Variants in LRRC7 observed in about 807,000 individuals in gnomAD.
LRRC7 encodes leucine rich repeat containing 7.
Under a neutral mutation model 175.7 loss-of-function variants are expected in LRRC7, and 23 were observed. The ratio of observed to expected loss-of-function variants is 0.13; its 90% CI spans 0.09 to 0.19. The LOEUF is 0.19. Ranked by LOEUF, LRRC7 falls within the 10% of genes least tolerant of loss-of-function variation. The pLI, the probability that LRRC7 is intolerant of heterozygous loss-of-function variation, is 1.00. For missense variants in LRRC7, 1,354 were observed against 1,904.7 expected (o/e 0.71, Z 5.38); for synonymous variants, 685 against 680.9 (o/e 1.01, Z -0.09).
At chr1:70,069,845 A>G (rs1662251233) in intron 23 of LRRC7, among the ~76,000 whole-genome samples, 2 of 152,150 alleles carry the variant, frequency 1.3e-5, no homozygotes, top group African/African-American at 2.4e-5. Flanking sequence ...CCTGTCTACC[A>G]GGTCACTGTT....
At chr1:69,590,446 A>G (rs532795900) in intron 1 of LRRC7, among the ~76,000 whole-genome samples, 7 of 152,286 alleles carry the variant, frequency 4.6e-5, no homozygotes, top group Admixed American at 3.3e-4. Flanking sequence ...GTTGGCAACC[A>G]GGATCAGCAA....
In LRRC7 at chr1:70,135,428, C is replaced by T. The variant is rs890835435; in HGVS notation, c.*13541C>T. Among the ~76,000 whole-genome samples, 21 of 152,244 alleles carry T rather than the reference C, an allele frequency of 1.4e-4. No individual in the cohort carries two copies. Among genetic ancestry groups the T allele is most frequent in the Admixed American group, 4.6e-4 (7 of 15,288 alleles). ...ATGTAAAAAGCTCTGCTTTTAGGTA[C>T]AACAAATGGAAATATCATCTAGGCT... is the stretch of plus-strand genomic sequence containing the variant. On this transcript the variant is annotated 3_prime_UTR_variant, in exon 27 of 27. Coordinates refer to ENST00000651989, the MANE Select transcript of LRRC7 (RefSeq NM_001370785.2).
intron 23 of LRRC7, 114 bp from the exon 24 acceptor site, chr1:70,075,963 C>A: frequency 9.4e-7 from 1 of 1,062,496 alleles, no homozygotes; most frequent in Non-Finnish European, 1.4e-6. Flanking sequence ...CTGGCCATGG[C>A]TGAGAGCCCA....
At chr1:69,765,015 C>T (rs965071156) in intron 3 of LRRC7, among the ~76,000 whole-genome samples, 9 of 151,964 alleles carry the variant, frequency 5.9e-5, no homozygotes, top group East Asian at 3.9e-4. Context: ...TCTTCAAAGA[C>T]GTCTTCTAGG....
intron 14 of LRRC7, 126 bp downstream of exon 14, chr1:70,016,660 A>G: frequency 2.9e-6 from 2 of 680,062 alleles, no homozygotes; most frequent in Non-Finnish European, 4.4e-6. Flanking sequence ...TTATCCCCAG[A>G]AAGAGAGAAT....
chr1:69,798,067 G>A (rs1032404219), intron 4 of LRRC7, among the ~76,000 whole-genome samples: 4 of 151,890 alleles, frequency 2.6e-5, no homozygotes, highest in East Asian at 1.9e-4. Flanking sequence ...GATTACAGGC[G>A]CCTGTCAACA....
chr1:69,669,275 T>C (rs1658714821), intron 1 of LRRC7, among the ~76,000 whole-genome samples: 1 of 152,222 alleles, frequency 6.6e-6, no homozygotes, highest in African/African-American at 2.4e-5. Flanking sequence ...GTTGATGAAA[T>C]CCTTCAGCCT....
At chr1:70,112,341 C>G (rs1390717263) in intron 26 of LRRC7, among the ~76,000 whole-genome samples, 1 of 152,138 alleles carries the variant, frequency 6.6e-6, no homozygotes, top group African/African-American at 2.4e-5. Context: ...TATCATTGCT[C>G]TGTTCTATAA....
intron 5 of LRRC7, among the ~76,000 whole-genome samples, chr1:69,832,367 C>T (rs996003118): frequency 1.3e-5 from 2 of 152,052 alleles, no homozygotes; most frequent in African/African-American, 2.4e-5. Context: ...TGAAGAAAAC[C>T]TTCAGACAGG....
intron 2 of LRRC7, among the ~76,000 whole-genome samples, chr1:69,735,966 A>C (rs998357275): frequency 6.6e-6 from 1 of 152,092 alleles, no homozygotes; most frequent in African/African-American, 2.4e-5. Context: ...ATTCAATAAA[A>C]CAATAGAAAT....
rs545412552 is a variant in LRRC7 at position 69,665,891 on chromosome 1, T to C, written c.3-12490T>C. ...AAACAGTGGGGAAAGTGGACATCTT[T>C]GTTGTGTTCCTGATCTTAGAAAAAG... On this transcript the variant is annotated intron_variant, in intron 1 of 26. Coordinates refer to ENST00000651989, the MANE Select transcript of LRRC7 (RefSeq NM_001370785.2). 3.9e-5 allele frequency among the ~76,000 whole-genome samples: 6 copies of C among 152,228 alleles called. No homozygotes were observed. The East Asian group carries it at 1.2e-3, about 29-fold the overall frequency.
intron 1 of LRRC7, among the ~76,000 whole-genome samples, chr1:69,581,067 C>G (rs1646181297): frequency 6.6e-6 from 1 of 152,120 alleles, no homozygotes; most frequent in Non-Finnish European, 1.5e-5. Flanking sequence ...ATGGGGAGCA[C>G]AGGGAGACTG....
intron 2 of LRRC7, among the ~76,000 whole-genome samples, chr1:69,749,084 G>A (rs6686211): frequency 0.69 from 104,913 of 152,018 alleles, 36,503 homozygotes; most frequent in East Asian, 0.91. Context: ...ATTTTAACCT[G>A]ATGTTGTAAT....
In LRRC7 at chr1:69,982,276, A is replaced by ATTCCT. The variant is rs1238186164; in HGVS notation, c.786+1824_786+1825insTCCTT. On this transcript the variant is annotated intron_variant, in intron 9 of 26. Transcript: ENST00000651989. ...ATATAGATTCCTTACTTTATTTTGTATACTTGCACTTGGTAATTTGTTATA... is the reference window on the plus strand; with the variant it reads ...ATATAGATTCCTTACTTTATTTTGTATTCCTTACTTGCACTTGGTAATTTGTTATA... Among the ~76,000 whole-genome samples, 5 of 152,156 alleles carry ATTCCT rather than the reference A, an allele frequency of 3.3e-5. No individual in the cohort carries two copies. The South Asian group carries it at 8.3e-4, about 25-fold the overall frequency.
chr1:70,133,480 C>G lies in LRRC7; in HGVS notation c.*11593C>G, dbSNP rs1441911736. On this transcript the variant is annotated 3_prime_UTR_variant, in exon 27 of 27. Coordinates refer to ENST00000651989, the MANE Select transcript of LRRC7 (RefSeq NM_001370785.2). The stretch of plus-strand genomic sequence containing the variant: ...TATCGATCCGACCGCCTCGGCCTCC[C>G]AAAGTGCTGGGATGGCCTTACACAG... Among the ~76,000 whole-genome samples the G allele has an allele frequency of 6.6e-6, 1 of 152,188 alleles. No homozygotes were observed. Among genetic ancestry groups the G allele is most frequent in the Non-Finnish European group, 1.5e-5 (1 of 68,034 alleles).
intron 22 of LRRC7, among the ~76,000 whole-genome samples, chr1:70,050,154 T>C (rs1660643191): frequency 2.0e-5 from 3 of 152,058 alleles, no homozygotes; most frequent in Non-Finnish European, 4.4e-5. Context: ...CACTTACTCA[T>C]ACAAATGTGC....
At chr1:69,753,628 GTAAT>G (rs1308042308) in intron 2 of LRRC7, among the ~76,000 whole-genome samples, 1 of 152,000 alleles carries the variant, frequency 6.6e-6, no homozygotes, top group African/African-American at 2.4e-5. Flanking sequence ...ACAAATAAAA[GTAAT>G]TAGTCATATT....
chr1:69,865,785 G>C (rs564234972), intron 7 of LRRC7, among the ~76,000 whole-genome samples: 2 of 152,004 alleles, frequency 1.3e-5, no homozygotes, highest in South Asian at 4.1e-4. Context: ...CGGCCCGACC[G>C]TTCCTTTTAT....
At chr1:69,768,303 C>T (rs1269742321) in intron 3 of LRRC7, among the ~76,000 whole-genome samples, 1 of 152,166 alleles carries the variant, frequency 6.6e-6, no homozygotes, top group East Asian at 1.9e-4. Flanking sequence ...AACAGGCTTT[C>T]TCCTCGGAGA....
Sources: allele counts gnomAD v4.1 joint callset (sites outside exome capture counted in the v4.1 genomes callset), GRCh38; gene constraint gnomAD v4.1.1; transcripts MANE v1.5; gene names NCBI Gene and HGNC (gene_info 2026-07-23, HGNC 2026-07-21).